Variants in PTPRT observed in about 807,000 individuals in gnomAD.
PTPRT encodes protein tyrosine phosphatase receptor type T.
In PTPRT, 56 loss-of-function variants were observed where a neutral mutation model predicts 176.8. That is an observed-to-expected ratio of 0.32 (90% CI 0.26 to 0.40). The LOEUF (loss-of-function observed/expected upper bound fraction) is 0.40. Among genes scored for constraint, PTPRT ranks in the 10% least tolerant of loss-of-function variants. The probability of loss-of-function intolerance (pLI) is 1.00; values close to 1 mark genes in which losing one functional copy is unlikely to be tolerated. For missense variants in PTPRT, 1,540 were observed against 1,908.2 expected, an observed-to-expected ratio of 0.81 and a Z score of 3.60; for synonymous variants, 783 against 739.0, an observed-to-expected ratio of 1.06 and a Z score of -0.96.
intron 15 of PTPRT, among the ~76,000 whole-genome samples, chr20:42,226,133 C>G (rs915071605): frequency 5.9e-5 from 9 of 152,190 alleles, no homozygotes; most frequent in East Asian, 3.8e-4. Flanking sequence ...TTTATTAACA[C>G]GTTCAAGTTC....
chr20:43,016,789 G>A (rs915828662), intron 1 of PTPRT, among the ~76,000 whole-genome samples: 5 of 151,622 alleles, frequency 3.3e-5, no homozygotes, highest in South Asian at 4.2e-4. Context: ...CGCCCACCTC[G>A]GCCTCCCAAA....
chr20:42,791,532 C>G (rs1262522242), intron 2 of PTPRT, 66 bp from the exon 3 acceptor site: 2 of 1,478,814 alleles, frequency 1.4e-6, no homozygotes, highest in Non-Finnish European at 1.8e-6. Flanking sequence ...TTCTGAAAAT[C>G]AGTCACACCC....
At chr20:42,142,369 TG>T (rs1202948324) in intron 17 of PTPRT, among the ~76,000 whole-genome samples, 3 of 152,186 alleles carry the variant, frequency 2.0e-5, no homozygotes, top group Non-Finnish European at 2.9e-5. Flanking sequence ...AAGTTCCCCT[TG>T]AGCTTCCAGT....
chr20:43,062,426 G>A (rs1009893952), intron 1 of PTPRT, among the ~76,000 whole-genome samples: 1 of 152,140 alleles, frequency 6.6e-6, no homozygotes. Flanking sequence ...GGAAAACCAG[G>A]CTTTCAATAA....
At chr20:42,522,742 T>G (rs58907206) in intron 7 of PTPRT, among the ~76,000 whole-genome samples, 14,518 of 152,208 alleles carry the variant, frequency 0.095, 1,390 homozygotes, top group African/African-American at 0.25. Context: ...ATTACAGGTA[T>G]GAGCCACCAT....
chr20:42,316,452 C>T (rs1481575535), intron 11 of PTPRT, among the ~76,000 whole-genome samples: 2 of 152,152 alleles, frequency 1.3e-5, no homozygotes, highest in Non-Finnish European at 2.9e-5. Context: ...ACTGATAATG[C>T]CTTGGTTGGA....
intron 1 of PTPRT, among the ~76,000 whole-genome samples, chr20:42,929,246 C>T (rs1979676204): frequency 6.6e-6 from 1 of 152,224 alleles, no homozygotes; most frequent in South Asian, 2.1e-4. Flanking sequence ...AAACAGGAGA[C>T]TAATTAAATA....
intron 7 of PTPRT, among the ~76,000 whole-genome samples, chr20:42,596,718 A>C (rs1258025406): frequency 1.3e-5 from 2 of 152,236 alleles, no homozygotes; most frequent in Non-Finnish European, 2.9e-5. Flanking sequence ...TTTAAAACGA[A>C]AAATACAAAT....
Position 42,217,425 on chromosome 20 carries a change from AG to A in PTPRT, c.2343-18038del, listed in dbSNP as rs1325997050. The stretch of plus-strand genomic sequence containing the variant: ...CACACACACACACACACACACACAC[AG>A]AACATTACGTCCATCCCCCACTCCA... On this transcript the variant is annotated intron_variant, in intron 15 of 30. Transcript: ENST00000373187. Among the ~76,000 whole-genome samples the A allele has an allele frequency of 6.6e-4, 57 of 86,748 alleles. 1 individual carries two copies. The highest frequency in any genetic ancestry group is 3.5e-3 in the African/African-American group (47 of 13,558). The allele number at this position is 86,748 out of a possible 152,430, so 56.9% of individuals were successfully genotyped here.
chr20:43,130,333 A>C (rs563269061), intron 1 of PTPRT, among the ~76,000 whole-genome samples: 1 of 151,950 alleles, frequency 6.6e-6, no homozygotes, highest in Admixed American at 6.6e-5. Context: ...CCCTTACCCC[A>C]CCCCCTACCC....
At chr20:42,312,000 G>A (rs2057639641) in intron 12 of PTPRT, among the ~76,000 whole-genome samples, 1 of 152,112 alleles carries the variant, frequency 6.6e-6, no homozygotes, top group Admixed American at 6.5e-5. Flanking sequence ...ATAAAATAGT[G>A]AATTATAGAT....
chr20:42,069,790 A>G (rs982725815), downstream of PTPRT, among the ~76,000 whole-genome samples: 8 of 152,170 alleles, frequency 5.3e-5, 1 homozygote, highest in Admixed American at 5.2e-4. Context: ...AACTAGTTAA[A>G]TTTTGTTCCA....
chr20:42,489,828 C>A (rs2071530910), intron 7 of PTPRT, among the ~76,000 whole-genome samples: 1 of 152,188 alleles, frequency 6.6e-6, no homozygotes, highest in South Asian at 2.1e-4. Context: ...TTGCCCAACT[C>A]TAGTCTACAA....
At chr20:42,398,124 A>C (rs1308873891) in intron 9 of PTPRT, among the ~76,000 whole-genome samples, 1 of 152,206 alleles carries the variant, frequency 6.6e-6, no homozygotes, top group African/African-American at 2.4e-5. Context: ...ATACTACCTC[A>C]AGGTATGTGT....
chr20:42,850,778 A>G (rs1221302847), intron 2 of PTPRT, among the ~76,000 whole-genome samples: 1 of 152,160 alleles, frequency 6.6e-6, no homozygotes, highest in Admixed American at 6.5e-5. Flanking sequence ...ATTTTCCTGG[A>G]GCTCACTTTG....
intron 6 of PTPRT, among the ~76,000 whole-genome samples, chr20:42,684,914 A>T (rs2146094207): frequency 6.6e-6 from 1 of 152,318 alleles, no homozygotes; most frequent in Middle Eastern, 3.4e-3. Flanking sequence ...GCTCCCATGT[A>T]CTGCACACTT....
intron 2 of PTPRT, among the ~76,000 whole-genome samples, chr20:42,885,088 G>T (rs1419247668): frequency 6.7e-6 from 1 of 149,986 alleles, no homozygotes; most frequent in African/African-American, 2.4e-5. Context: ...AAGGACAAAA[G>T]GTTGGTATTT....
rs200617550 is a variant in PTPRT, at chr20:43,163,650, A to AC, written c.88+25995_88+25996insG. Reference sequence around the variant, plus strand: ...GAGACTCCTTCTCAAAAACAAAACAAAACAAAAAAAAAAACAGGCTGTATG... The same window carrying AC: ...GAGACTCCTTCTCAAAAACAAAACAACAACAAAAAAAAAAACAGGCTGTATG... On this transcript the variant is annotated intron_variant, in intron 1 of 30. Transcript: ENST00000373187. Among the ~76,000 whole-genome samples the AC allele has an allele frequency of 5.1e-3, 759 of 147,832 alleles. 6 individuals carry two copies. Among genetic ancestry groups the AC allele is most frequent in the African/African-American group, 0.014 (572 of 40,434 alleles).
At chr20:42,979,388 A>T (rs756649261) in intron 1 of PTPRT, among the ~76,000 whole-genome samples, 7 of 152,282 alleles carry the variant, frequency 4.6e-5, no homozygotes, top group South Asian at 4.1e-4. Flanking sequence ...ATTTTACACA[A>T]CTAACTCCAT....
Sources: gnomAD v4.1 joint callset for allele counts (sites outside exome capture counted in the v4.1 genomes callset) on GRCh38, gnomAD v4.1.1 for gene constraint, MANE v1.5 for transcripts, NCBI Gene and HGNC (gene_info 2026-07-23, HGNC 2026-07-21) for gene names.